Variants in EDAR observed in about 807,000 individuals in gnomAD.
EDAR encodes the protein tumor necrosis factor receptor superfamily member EDAR.
Under a neutral mutation model 51.3 loss-of-function variants are expected in EDAR, and 38 were observed. That is an observed-to-expected ratio of 0.74 (90% CI 0.57 to 0.97). The LOEUF (loss-of-function observed/expected upper bound fraction) is 0.97, where lower values mean the gene tolerates loss of function less well. EDAR is among the 50% of genes least tolerant of loss of function. The probability of loss-of-function intolerance (pLI) is 0.00; values close to 1 mark genes in which losing one functional copy is unlikely to be tolerated. For synonymous variants in EDAR, 227 were observed against 242.1 expected (o/e 0.94, Z 0.58); for missense variants, 528 against 595.0 (o/e 0.89, Z 1.17).
chr2:108,943,989 G>T (rs1449162028), intron 1 of EDAR, among the ~76,000 whole-genome samples: 5 of 152,248 alleles, frequency 3.3e-5, no homozygotes, highest in Non-Finnish European at 1.5e-5. Context: ...AATGCATGTG[G>T]AAGTGTTTTG....
At chr2:108,906,076 G>A (rs1182542318) in intron 11 of EDAR, among the ~76,000 whole-genome samples, 3 of 148,906 alleles carry the variant, frequency 2.0e-5, no homozygotes, top group South Asian at 2.1e-4. Context: ...GCTGTCTCCC[G>A]CCCCATGAGG....
chr2:108,958,869 GA>G (rs960423170), intron 1 of EDAR, among the ~76,000 whole-genome samples: 1 of 145,490 alleles, frequency 6.9e-6, no homozygotes, highest in African/African-American at 2.7e-5. Context: ...GGCTGGCTGG[GA>G]AAAGGCACCA....
In EDAR at chr2:108,896,715, G is replaced by A. The variant is rs559802013; in HGVS notation, c.*192C>T. The A allele has an allele frequency of 1.5e-4, 93 of 612,204 alleles. No individual in the cohort carries two copies. Among genetic ancestry groups the A allele is most frequent in the South Asian group, 1.5e-3 (72 of 48,478 alleles). The allele number at this position is 612,204 out of a possible 1,614,324, so 37.9% of individuals were successfully genotyped here. On this transcript the variant is annotated 3_prime_UTR_variant, in exon 12 of 12. Transcript: ENST00000258443. Reference sequence around the variant, plus strand: ...ACAGGCGAGCATCTGAAAGTATCCCGGCTCTAGTCCTTTATCTTTGGTTAA... The same window carrying A: ...ACAGGCGAGCATCTGAAAGTATCCCAGCTCTAGTCCTTTATCTTTGGTTAA...
chr2:108,918,190 C>A (rs1025434848), intron 5 of EDAR, among the ~76,000 whole-genome samples: 3 of 152,198 alleles, frequency 2.0e-5, no homozygotes, highest in Non-Finnish European at 4.4e-5. Flanking sequence ...CAGGGTGGGG[C>A]GCGAGCCCTG....
At chr2:108,925,306 G>T (rs886863576) in intron 4 of EDAR, among the ~76,000 whole-genome samples, 1 of 152,258 alleles carries the variant, frequency 6.6e-6, no homozygotes, top group African/African-American at 2.4e-5. Context: ...GAGGTGGACA[G>T]AGGCCCCAAA....
chr2:108,910,587 T>G, intron 8 of EDAR, 55 bp from the exon 9 acceptor site: 1 of 1,503,580 alleles, frequency 6.7e-7, no homozygotes, highest in South Asian at 1.1e-5. Flanking sequence ...CTCATGGCTC[T>G]GCGCTCAGCC....
chr2:108,985,449 T>C (rs1418938909), intron 1 of EDAR, among the ~76,000 whole-genome samples: 1 of 152,234 alleles, frequency 6.6e-6, no homozygotes, highest in Non-Finnish European at 1.5e-5. Flanking sequence ...CCGCCACAGG[T>C]GCATCTTCCT....
At chr2:108,978,036 G>A (rs1370079089) in intron 1 of EDAR, among the ~76,000 whole-genome samples, 1 of 152,202 alleles carries the variant, frequency 6.6e-6, no homozygotes. Flanking sequence ...ACAGGGCTGC[G>A]GTTCAAAGTC....
chr2:108,932,616 C>G (rs1001064907), intron 1 of EDAR, among the ~76,000 whole-genome samples: 10 of 150,216 alleles, frequency 6.7e-5, no homozygotes, highest in African/African-American at 2.2e-4. Context: ...AGCCAGGGAA[C>G]GGTGGAGAAG....
chr2:108,935,371 A>G (rs1697446928), intron 1 of EDAR, among the ~76,000 whole-genome samples: 1 of 152,166 alleles, frequency 6.6e-6, no homozygotes, highest in Non-Finnish European at 1.5e-5. Context: ...CTGGGAGCTC[A>G]TTAGAAATGC....
chr2:108,970,101 A>G (rs1431394307), intron 1 of EDAR, among the ~76,000 whole-genome samples: 1 of 152,160 alleles, frequency 6.6e-6, no homozygotes, highest in Non-Finnish European at 1.5e-5. Context: ...ACGGATGGGT[A>G]GTGTGGCCTC....
chr2:108,906,283 C>G (rs758286123), intron 11 of EDAR, 25 bp downstream of exon 11: 9 of 1,603,218 alleles, frequency 5.6e-6, no homozygotes, highest in Non-Finnish European at 7.6e-6. Flanking sequence ...GGCACCACCT[C>G]TCCCAGGCTT....
chr2:108,917,646 A>T (rs72937942), intron 5 of EDAR, among the ~76,000 whole-genome samples: 1 of 151,920 alleles, frequency 6.6e-6, no homozygotes, highest in Non-Finnish European at 1.5e-5. Context: ...CTAAGACTAG[A>T]GGGGGGTCAA....
Position 108,911,053 on chromosome 2 carries a change from G to T in EDAR, c.549C>A (p.His183Gln). The change falls in exon 7 of 12, where the codon CAC (histidine) becomes CAA (glutamine). Residue 183 changes from histidine to glutamine, a missense_variant. Coordinates refer to ENST00000258443, the MANE Select transcript of EDAR (RefSeq NM_022336.4). ...TTGCAATGATCAGGGCAGTGGCCAG[G>T]TGTCCTTGGCCTGAGAGTTCTGTGG... ...HAHKELSGQG[H>Q]LATALIIAMS... 2 of 1,614,208 alleles carry T rather than the reference G, an allele frequency of 1.2e-6. No homozygotes were observed. The highest frequency in any genetic ancestry group is 2.7e-5 in the African/African-American group (2 of 75,056).
chr2:108,923,340 G>C (rs144492072), intron 5 of EDAR, 28 bp downstream of exon 5: 1 of 1,605,328 alleles, frequency 6.2e-7, no homozygotes, highest in South Asian at 1.1e-5. Context: ...AACAAATACC[G>C]TGCTGGTGGA....
chr2:108,963,924 G>C (rs1698101431), intron 1 of EDAR, among the ~76,000 whole-genome samples: 1 of 152,202 alleles, frequency 6.6e-6, no homozygotes, highest in African/African-American at 2.4e-5. Context: ...GGCTCTGGCT[G>C]GAGCATGGGC....
Position 108,897,801 on chromosome 2 carries a change from A to G in EDAR, c.1025-572T>C, listed in dbSNP as rs965540741. The stretch of plus-strand genomic sequence containing the variant: ...ATTGCTGTTTCTGGAAGATAAGAGT[A>G]GATATAATTTTCCCTAATCCTCCCA... On this transcript the variant is annotated intron_variant, in intron 11 of 11. Transcript: ENST00000258443. Among the ~76,000 whole-genome samples, 17 of 152,350 alleles carry G rather than the reference A, an allele frequency of 1.1e-4. No individual in the cohort carries two copies. The South Asian group carries it at 1.2e-3, about 11-fold the overall frequency.
chr2:108,922,848 G>T (rs1188984542), intron 5 of EDAR, among the ~76,000 whole-genome samples: 1 of 152,168 alleles, frequency 6.6e-6, no homozygotes, highest in Non-Finnish European at 1.5e-5. Context: ...GCCCATGAAA[G>T]CCAGAAAGGA....
chr2:108,988,628 G>A (rs535430645), intron 1 of EDAR, among the ~76,000 whole-genome samples: 2 of 152,242 alleles, frequency 1.3e-5, no homozygotes, highest in South Asian at 4.1e-4. Context: ...GGGCAAACCT[G>A]AGAAACATAC....
Sources: allele counts gnomAD v4.1 joint callset (sites outside exome capture counted in the v4.1 genomes callset), GRCh38; gene constraint gnomAD v4.1.1; transcripts MANE v1.5; gene names NCBI Gene and HGNC (gene_info 2026-07-23, HGNC 2026-07-21).